The following ADK variants were observed in gnomAD, a reference collection of about 807,000 sequenced individuals.
The protein encoded by ADK is N6,N6-dimethyladenosine kinase.
Under a neutral mutation model 44.7 loss-of-function variants are expected in ADK, and 24 were observed. That is an observed-to-expected ratio of 0.54 (90% confidence interval 0.39 to 0.76). ADK has a LOEUF of 0.76. ADK is among the 30% of genes least tolerant of loss of function. ADK has a pLI of 0.00. For missense variants in ADK, 321 were observed against 425.1 expected (o/e 0.76, Z 2.15); for synonymous variants, 128 against 142.6 (o/e 0.90, Z 0.73).
At chr10:74,185,866 GAAAC>G (rs1302304434) in intron 1 of ADK, among the ~76,000 whole-genome samples, 1 of 109,012 alleles carries the variant, frequency 9.2e-6, no homozygotes, top group Non-Finnish European at 1.9e-5. Context: ...AAAAAAAAAA[GAAAC>G]AGATCCTCCC....
At chr10:74,224,285 A>C (rs1446484543) in intron 2 of ADK, among the ~76,000 whole-genome samples, 1 of 152,228 alleles carries the variant, frequency 6.6e-6, no homozygotes, top group Non-Finnish European at 1.5e-5. Context: ...GTGACATTAC[A>C]GATGATTCAC....
At chr10:74,415,963 C>G (rs1844353603) in intron 6 of ADK, among the ~76,000 whole-genome samples, 1 of 151,388 alleles carries the variant, frequency 6.6e-6, no homozygotes, top group African/African-American at 2.4e-5. Flanking sequence ...TATAAAGAGT[C>G]TTTTAAGCTT....
chr10:74,208,120 C>G (rs769590823), intron 2 of ADK, among the ~76,000 whole-genome samples: 1 of 152,220 alleles, frequency 6.6e-6, no homozygotes, highest in Non-Finnish European at 1.5e-5. Flanking sequence ...GTGCTGGGAT[C>G]GAGGAGAGGC....
intron 4 of ADK, among the ~76,000 whole-genome samples, chr10:74,323,020 T>C (rs930206485): frequency 1.3e-5 from 2 of 152,200 alleles, no homozygotes; most frequent in African/African-American, 4.8e-5. Flanking sequence ...TCTACTCTTG[T>C]GGGCCTTAAT....
At chr10:74,426,120 A>G (rs1295982562) in intron 6 of ADK, among the ~76,000 whole-genome samples, 1 of 152,128 alleles carries the variant, frequency 6.6e-6, no homozygotes. Context: ...ATTTTTATAT[A>G]ATTTGCATTA....
At chr10:74,230,924 C>T (rs113395899) in intron 3 of ADK, among the ~76,000 whole-genome samples, 7 of 152,096 alleles carry the variant, frequency 4.6e-5, no homozygotes, top group Non-Finnish European at 7.4e-5. Context: ...TCAGGTGATC[C>T]GCCTGCCTCA....
chr10:74,399,947 T>G (rs1843653778), intron 6 of ADK, among the ~76,000 whole-genome samples: 1 of 152,108 alleles, frequency 6.6e-6, no homozygotes, highest in Admixed American at 6.5e-5. Context: ...TTGTAATGAT[T>G]ATACAGTATA....
intron 6 of ADK, among the ~76,000 whole-genome samples, chr10:74,428,505 AATAAAG>A (rs1376759062): frequency 6.6e-6 from 1 of 152,228 alleles, no homozygotes; most frequent in Non-Finnish European, 1.5e-5. Context: ...AGCTGTTGGA[AATAAAG>A]AACTTTATAA....
intron 9 of ADK, among the ~76,000 whole-genome samples, chr10:74,624,800 A>G (rs144120289): frequency 1.6e-4 from 24 of 152,230 alleles, no homozygotes; most frequent in Admixed American, 5.2e-4. Context: ...ACTAATCATT[A>G]TAGATATTTA....
At chr10:74,576,102 G>T (rs1370256062) in intron 7 of ADK, among the ~76,000 whole-genome samples, 1 of 152,092 alleles carries the variant, frequency 6.6e-6, no homozygotes, top group Non-Finnish European at 1.5e-5. Context: ...AAAGAGAAAA[G>T]ATTGGAAAGT....
chr10:74,368,634 C>CT lies in ADK; in HGVS notation c.274-25494dup, dbSNP rs200617775. On this transcript the variant is annotated intron_variant, in intron 4 of 10. Coordinates refer to ENST00000539909, the MANE Select transcript of ADK (RefSeq NM_006721.4). ...ACTTCAAGTTTCTGTCTGAAATATT[C>CT]TTTTTTTTTTTTTGATACAGAGTCT... 4.6e-3 allele frequency among the ~76,000 whole-genome samples: 663 copies of CT among 144,692 alleles called. 4 individuals are homozygous for CT. The highest frequency in any genetic ancestry group is 0.011 in the African/African-American group (445 of 39,656). The allele number at this position is 144,692 out of a possible 152,430, so 94.9% of individuals were successfully genotyped here. A position where few individuals can be genotyped will look rare whatever the true frequency, so the allele number is the denominator to read the frequency against.
chr10:74,365,707 G>C (rs917682115), intron 4 of ADK, among the ~76,000 whole-genome samples: 1 of 151,966 alleles, frequency 6.6e-6, no homozygotes, highest in Admixed American at 6.5e-5. Flanking sequence ...GATTCATTTT[G>C]GGCAAATACC....
At chr10:74,703,160 C>G (rs142966899) in intron 10 of ADK, among the ~76,000 whole-genome samples, 6 of 152,188 alleles carry the variant, frequency 3.9e-5, no homozygotes, top group Non-Finnish European at 8.8e-5. Flanking sequence ...TAGAATCAGT[C>G]TATTAAAAAT....
intron 6 of ADK, among the ~76,000 whole-genome samples, chr10:74,520,660 TC>T (rs1423794792): frequency 6.6e-6 from 1 of 152,008 alleles, no homozygotes; most frequent in Non-Finnish European, 1.5e-5. Flanking sequence ...TTTCTAACAT[TC>T]CCTCACGTTT....
At chr10:74,648,638 A>G (rs1854140285) in intron 9 of ADK, among the ~76,000 whole-genome samples, 1 of 151,998 alleles carries the variant, frequency 6.6e-6, no homozygotes, top group African/African-American at 2.4e-5. Context: ...AGATCACACC[A>G]CCGCACTTCA....
chr10:74,458,901 G>A (rs1846056219), intron 6 of ADK, among the ~76,000 whole-genome samples: 1 of 151,964 alleles, frequency 6.6e-6, no homozygotes, highest in Non-Finnish European at 1.5e-5. Context: ...TTTAAAACTT[G>A]ACCAAAATAT....
chr10:74,514,781 A>G (rs1848495500), intron 6 of ADK, among the ~76,000 whole-genome samples: 1 of 151,740 alleles, frequency 6.6e-6, no homozygotes, highest in Non-Finnish European at 1.5e-5. Flanking sequence ...CTGTTACTAG[A>G]TAATTATTGT....
chr10:74,312,754 T>C (rs1458710028), intron 3 of ADK, among the ~76,000 whole-genome samples: 1 of 141,148 alleles, frequency 7.1e-6, no homozygotes, highest in Non-Finnish European at 1.6e-5. Flanking sequence ...AAAAAAAAAA[T>C]ACAAAAAAAA....
At chr10:74,479,306 T>TC (rs1410133249) in intron 6 of ADK, among the ~76,000 whole-genome samples, 1 of 152,076 alleles carries the variant, frequency 6.6e-6, no homozygotes, top group Non-Finnish European at 1.5e-5. Flanking sequence ...CACATATCTT[T>TC]ATATTAGGAT....
Sources: allele counts gnomAD v4.1 joint callset (sites outside exome capture counted in the v4.1 genomes callset), GRCh38; gene constraint gnomAD v4.1.1; transcripts MANE v1.5; gene names NCBI Gene and HGNC (gene_info 2026-07-23, HGNC 2026-07-21).